PPM1A: variants seen among roughly 807,000 people sequenced by gnomAD.
The protein encoded by PPM1A is protein phosphatase 1A.
Under a neutral mutation model 35.0 loss-of-function variants are expected in PPM1A, and 7 were observed. The observed-to-expected ratio is 0.20, with a 90% CI of 0.11 to 0.38. The LOEUF is 0.38. Among genes scored for constraint, PPM1A ranks in the 10% least tolerant of loss-of-function variants. The probability of loss-of-function intolerance (pLI) is 1.00; values close to 1 mark genes in which losing one functional copy is unlikely to be tolerated. For synonymous variants in PPM1A, 153 were observed against 167.3 expected, an observed-to-expected ratio of 0.91 and a Z score of 0.66; for missense variants, 239 against 467.8, an observed-to-expected ratio of 0.51 and a Z score of 4.51.
At position 60,283,664 on chromosome 14, in the gene PPM1A, C is replaced by T; in HGVS notation, c.834+127C>T. On this transcript the variant is annotated intron_variant, in intron 2 of 5. Coordinates refer to ENST00000395076, the MANE Select transcript of PPM1A (RefSeq NM_021003.5). This position sits in a 1 kb window ranked among gnomAD's most constrained non-coding sequence, Gnocchi z 6.3. ...TGGCACAACTGTAGGATACTGTTCA[C>T]CAATTATGAAAATATATCATAGGAC... The T allele has an allele frequency of 2.3e-6, 2 of 887,432 alleles. No individual in the cohort carries two copies. The highest frequency in any genetic ancestry group is 3.3e-6 in the Non-Finnish European group (2 of 598,740). 55.0% of individuals were successfully genotyped at this position (887,432 alleles called of 1,614,324 possible).
rs942365556 is a variant in PPM1A at position 60,293,350 on chromosome 14, A to G, written c.*868A>G. 1 of 152,048 alleles carries G rather than the reference A, an allele frequency of 6.6e-6. No homozygotes were observed. Among genetic ancestry groups the G allele is most frequent in the Non-Finnish European group, 1.5e-5 (1 of 67,952 alleles). 9.4% of individuals were successfully genotyped at this position (152,048 alleles called of 1,614,324 possible). On this transcript the variant is annotated 3_prime_UTR_variant, in exon 6 of 6. Transcript: ENST00000395076. This position sits in a 1 kb window ranked among gnomAD's most constrained non-coding sequence, Gnocchi z 4.0. ...ATCAATAAAGCTTGATTTAACAAAC[A>G]AGAAACTTAATCATGTATGTGTAAT...
rs1260975824 is a variant in PPM1A, at chr14:60,283,625, C to G, written c.834+88C>G. 1 of 1,389,252 alleles carries G rather than the reference C, an allele frequency of 7.2e-7. No homozygotes were observed. The highest frequency in any genetic ancestry group is 2.3e-5 in the East Asian group (1 of 43,072). The allele number at this position is 1,389,252 out of a possible 1,614,324, so 86.1% of individuals were successfully genotyped here. On this transcript the variant is annotated intron_variant, in intron 2 of 5. Coordinates refer to ENST00000395076, the MANE Select transcript of PPM1A (RefSeq NM_021003.5). This position sits in a 1 kb window ranked among gnomAD's most constrained non-coding sequence, Gnocchi z 6.3. ...TTTAATCATCTTAGAATCTGTAATT[C>G]TGAAACCAGTTTTTGGCACAACTGT...
Position 60,289,711 on chromosome 14 carries a change from A to T in PPM1A, c.953-95A>T. 1.3e-6 allele frequency: 1 copy of T among 766,054 alleles called. No homozygotes were observed. Among genetic ancestry groups the T allele is most frequent in the Non-Finnish European group, 2.2e-6 (1 of 460,248 alleles). 47.5% of individuals were successfully genotyped at this position (766,054 alleles called of 1,614,324 possible). On this transcript the variant is annotated intron_variant, in intron 3 of 5. Coordinates refer to ENST00000395076, the MANE Select transcript of PPM1A (RefSeq NM_021003.5). The surrounding 1 kb of genome is among the most constrained non-coding windows in gnomAD (Gnocchi z 4.1). ...GATTAGAAAAATCTCAGATGTGGTA[A>T]ATGCCATCTTTAAAAAGCTAGGTTA...
At position 60,297,041 on chromosome 14, in the gene PPM1A, A is replaced by G. The variant is rs1049287520; in HGVS notation, c.*4559A>G. On this transcript the variant is annotated 3_prime_UTR_variant, in exon 6 of 6. Transcript: ENST00000395076. ...GATGGAGAAAAAAGATTAAGTTGAT[A>G]TAACAACAAAGTGGACTTTTTTTCT... The G allele has an allele frequency of 1.7e-5, 3 of 176,166 alleles. No individual in the cohort carries two copies. The highest frequency in any genetic ancestry group is 2.4e-5 in the Non-Finnish European group (2 of 84,568). The allele number at this position is 176,166 out of a possible 1,614,324, so 10.9% of individuals were successfully genotyped here. A position where few individuals can be genotyped will look rare whatever the true frequency, so the allele number is the denominator to read the frequency against.
intron 1 of PPM1A, among the ~76,000 whole-genome samples, chr14:60,276,583 C>T (rs1423760531): frequency 6.6e-6 from 1 of 152,048 alleles, no homozygotes; most frequent in Non-Finnish European, 1.5e-5. Context: ...GTATCTATGT[C>T]CTTTGTTTAT....
At chr14:60,280,462 G>T (rs1410864781) in intron 1 of PPM1A, among the ~76,000 whole-genome samples, 2 of 152,238 alleles carry the variant, frequency 1.3e-5, no homozygotes, top group Non-Finnish European at 2.9e-5. Flanking sequence ...TGAATTCGTA[G>T]AGGAAGGAAG....
In PPM1A at chr14:60,292,649, ATT is replaced by A. The variant is rs201235752; in HGVS notation, c.*183_*184del. On this transcript the variant is annotated 3_prime_UTR_variant, in exon 6 of 6. Transcript: ENST00000395076. This position sits in a 1 kb window ranked among gnomAD's most constrained non-coding sequence, Gnocchi z 4.2. ...CAGTACAACAGCTAGCCCAGAACTG[ATT>A]TTTTTTTTTTTTTTTGTAAATTTGA... The A allele has an allele frequency of 0.01, 3,499 of 337,350 alleles. No individual in the cohort carries two copies. Among genetic ancestry groups the A allele is most frequent in the Middle Eastern group, 0.022 (30 of 1,350 alleles). The allele number at this position is 337,350 out of a possible 1,614,324, so 20.9% of individuals were successfully genotyped here.
rs548465697 is a variant in PPM1A at position 60,290,468 on chromosome 14, T to A, written c.1061+554T>A. The stretch of plus-strand genomic sequence containing the variant: ...GTTCATAGAATTGGACTACTTTGTG[T>A]TAAATATTAAGCTTACACCTTTACA... On this transcript the variant is annotated intron_variant, in intron 4 of 5. Coordinates refer to ENST00000395076, the MANE Select transcript of PPM1A (RefSeq NM_021003.5). 2.0e-5 allele frequency among the ~76,000 whole-genome samples: 3 copies of A among 152,284 alleles called. No homozygotes were observed. The South Asian group carries it at 6.2e-4, about 32-fold the overall frequency.
rs1362025074 is a variant in PPM1A at position 60,294,709 on chromosome 14, T to C, written c.*2227T>C. The C allele has an allele frequency of 6.6e-6, 1 of 151,372 alleles. No individual in the cohort carries two copies. The highest frequency in any genetic ancestry group is 2.4e-5 in the African/African-American group (1 of 41,148). The allele number at this position is 151,372 out of a possible 1,614,324, so 9.4% of individuals were successfully genotyped here. On this transcript the variant is annotated 3_prime_UTR_variant, in exon 6 of 6. Coordinates refer to ENST00000395076, the MANE Select transcript of PPM1A (RefSeq NM_021003.5). The stretch of plus-strand genomic sequence containing the variant: ...GTATTTCAAACCATAACAGCATATT[T>C]AGAGCCTTTTTTTTTTGAGTCTTTA...
At chr14:60,259,289 C>A (rs1195001116) in intron 1 of PPM1A, among the ~76,000 whole-genome samples, 1 of 151,676 alleles carries the variant, frequency 6.6e-6, no homozygotes, top group Non-Finnish European at 1.5e-5. Context: ...ATTTAGAATC[C>A]CCATGTATTT....
At chr14:60,290,160 A>G (rs960955037) in intron 4 of PPM1A, among the ~76,000 whole-genome samples, 1 of 152,178 alleles carries the variant, frequency 6.6e-6, no homozygotes, top group South Asian at 2.1e-4. Context: ...TGATTTCCTC[A>G]TAGAGCATAA....
At chr14:60,276,853 T>C (rs1482946943) in intron 1 of PPM1A, among the ~76,000 whole-genome samples, 1 of 152,206 alleles carries the variant, frequency 6.6e-6, no homozygotes, top group East Asian at 1.9e-4. Context: ...CTTTGCTTAA[T>C]AAAAGGCAAG....
Position 60,293,451 on chromosome 14 carries a change from CTT to C in PPM1A, c.*972_*973del, listed in dbSNP as rs1261469464. ...TTCTCATAGGGAAAGATGTTAGTCT[CTT>C]TTAATTGGACAACACTGTCACTCAA... On this transcript the variant is annotated 3_prime_UTR_variant, in exon 6 of 6. Transcript: ENST00000395076. This position sits in a 1 kb window ranked among gnomAD's most constrained non-coding sequence, Gnocchi z 4.0. The C allele has an allele frequency of 1.3e-5, 2 of 152,086 alleles. 1 individual carries two copies. The highest frequency in any genetic ancestry group is 6.8e-3 in the Middle Eastern group (2 of 292). The allele number at this position is 152,086 out of a possible 1,614,324, so 9.4% of individuals were successfully genotyped here. A position where few individuals can be genotyped will look rare whatever the true frequency, so the allele number is the denominator to read the frequency against.
At chr14:60,263,702 T>G (rs1484282928) in intron 1 of PPM1A, among the ~76,000 whole-genome samples, 1 of 152,152 alleles carries the variant, frequency 6.6e-6, no homozygotes, top group African/African-American at 2.4e-5. Flanking sequence ...AAGTAATATT[T>G]CTTTCTTGGT....
chr14:60,248,011 T>G (rs1881900563), upstream of PPM1A, among the ~76,000 whole-genome samples: 1 of 152,186 alleles, frequency 6.6e-6, no homozygotes, highest in African/African-American at 2.4e-5. Flanking sequence ...CTTCTTTTCC[T>G]GCGAATGTGG....
In PPM1A at chr14:60,298,452, A is replaced by T. The variant is rs3209335; in HGVS notation, c.*5970A>T. 2.0e-5 allele frequency: 3 copies of T among 151,820 alleles called. No homozygotes were observed. The highest frequency in any genetic ancestry group is 7.2e-5 in the African/African-American group (3 of 41,470). The allele number at this position is 151,820 out of a possible 1,614,324, so 9.4% of individuals were successfully genotyped here. A position where few individuals can be genotyped will look rare whatever the true frequency, so the allele number is the denominator to read the frequency against. On this transcript the variant is annotated 3_prime_UTR_variant, in exon 6 of 6. Coordinates refer to ENST00000395076, the MANE Select transcript of PPM1A (RefSeq NM_021003.5). ...ACAGTTAATGAGATTTCTAAAATAT[A>T]ATAAGTACAATGTAACAAACGTATA...
intron 1 of PPM1A, chr14:60,268,177 C>T (rs1884617375): frequency 2.3e-6 from 1 of 437,116 alleles, no homozygotes; most frequent in Non-Finnish European, 3.0e-6. Flanking sequence ...TTTGTTGTGA[C>T]CTCCTTGGTC....
At position 60,296,384 on chromosome 14, in the gene PPM1A, G is replaced by A. The variant is rs1888064893; in HGVS notation, c.*3902G>A. 5.4e-6 allele frequency: 1 copy of A among 186,064 alleles called. No individual in the cohort carries two copies. Among genetic ancestry groups the A allele is most frequent in the South Asian group, 1.9e-4 (1 of 5,134 alleles). 11.5% of individuals were successfully genotyped at this position (186,064 alleles called of 1,614,324 possible). On this transcript the variant is annotated 3_prime_UTR_variant, in exon 6 of 6. Coordinates refer to ENST00000395076, the MANE Select transcript of PPM1A (RefSeq NM_021003.5). This position sits in a 1 kb window ranked among gnomAD's most constrained non-coding sequence, Gnocchi z 4.4. ...ATATACTTTTAGTTCAAACTCAGCT[G>A]TTTGTACAGTATTGTATTAGGATTT...
chr14:60,252,692 GATT>G (rs1407229680), intron 1 of PPM1A, among the ~76,000 whole-genome samples: 3 of 152,118 alleles, frequency 2.0e-5, no homozygotes, highest in Non-Finnish European at 4.4e-5. Context: ...ACTGACCTGG[GATT>G]ATTAGCCATT....
Sources: gnomAD v4.1 joint callset for allele counts (sites outside exome capture counted in the v4.1 genomes callset) on GRCh38, gnomAD v4.1.1 for gene constraint, Gnocchi (gnomAD v3.1) non-coding constraint, MANE v1.5 for transcripts, NCBI Gene and HGNC (gene_info 2026-07-23, HGNC 2026-07-21) for gene names.